UGT3A1: variants seen among roughly 807,000 people sequenced by gnomAD.
The protein encoded by UGT3A1 is UDP glycosyltransferase family 3 member A1, also known as UDP-glycosyltransferase 3A1.
UGT3A1 carries 40 observed loss-of-function variants against 37.6 expected under a neutral mutation model. The ratio of observed to expected loss-of-function variants is 1.06; its 90% confidence interval spans 0.83 to 1.38. UGT3A1 has a LOEUF of 1.38. Among genes scored for constraint, UGT3A1 ranks in the 40% most tolerant of loss-of-function variants. The probability of loss-of-function intolerance (pLI) is 0.00; values close to 1 mark genes in which losing one functional copy is unlikely to be tolerated. For missense variants in UGT3A1, 642 were observed against 634.2 expected (o/e 1.01, Z -0.13); for synonymous variants, 256 against 232.3 (o/e 1.10, Z -0.93).
intron 2 of UGT3A1, among the ~76,000 whole-genome samples, chr5:35,969,438 A>T (rs1052646917): frequency 3.9e-5 from 6 of 152,186 alleles, no homozygotes; most frequent in African/African-American, 1.4e-4. Flanking sequence ...ACTCTCTCAG[A>T]AAGAAACTTA....
rs1000274923 is a variant in UGT3A1, at chr5:35,953,758, C to T, written c.*444G>A. The T allele has an allele frequency of 6.2e-6, 1 of 162,356 alleles. No individual in the cohort carries two copies. The highest frequency in any genetic ancestry group is 2.4e-5 in the African/African-American group (1 of 41,580). 10.1% of individuals were successfully genotyped at this position (162,356 alleles called of 1,614,324 possible). A position where few individuals can be genotyped will look rare whatever the true frequency, so the allele number is the denominator to read the frequency against. On this transcript the variant is annotated 3_prime_UTR_variant, in exon 7 of 7. Transcript: ENST00000274278. ...AATGCAGGAGAGCAGACCAGGTTTC[C>T]TGAGCTTTGAGGAGAGCTTATAGGA...
intron 2 of UGT3A1, among the ~76,000 whole-genome samples, chr5:35,984,435 C>T (rs1393236959): frequency 2.7e-5 from 4 of 149,850 alleles, no homozygotes; most frequent in African/African-American, 9.8e-5. Context: ...AGCTTGTTTC[C>T]TTTTTGTGAA....
At chr5:35,954,573 CT>C in intron 6 of UGT3A1, 95 bp from the exon 7 acceptor site, 2 of 1,451,742 alleles carry the variant, frequency 1.4e-6, no homozygotes, top group African/African-American at 2.8e-5. Context: ...CATACAAACA[CT>C]TTTCTAACAC....
rs762733457 is a variant in UGT3A1 at position 35,954,270 on chromosome 5, G to A, written c.1504C>T (p.Leu502Phe). ...LLGLTLGTMW[L>F]CGKLLGVVAR... Reference sequence around the variant, plus strand: ...ACCACACCCAGCAGCTTCCCACAAAGCCACATAGTGCCCAGAGTGAGCCCC... The same window carrying A: ...ACCACACCCAGCAGCTTCCCACAAAACCACATAGTGCCCAGAGTGAGCCCC... Residue 502 changes from leucine to phenylalanine, a missense_variant, in exon 7 of 7, where the codon CTT (leucine) becomes TTT (phenylalanine). Transcript: ENST00000274278. The A allele has an allele frequency of 2.5e-6, 4 of 1,614,166 alleles. No individual in the cohort carries two copies. Among genetic ancestry groups the A allele is most frequent in the East Asian group, 4.5e-5 (2 of 44,888 alleles).
upstream of UGT3A1, among the ~76,000 whole-genome samples, chr5:35,992,207 AG>A (rs1184533275): frequency 6.6e-6 from 1 of 152,218 alleles, no homozygotes; most frequent in Non-Finnish European, 1.5e-5. Context: ...TTCAGTCTAC[AG>A]GTATTACATT....
At chr5:35,981,021 G>T (rs975009808) in intron 2 of UGT3A1, among the ~76,000 whole-genome samples, 2 of 152,162 alleles carry the variant, frequency 1.3e-5, no homozygotes, top group African/African-American at 4.8e-5. Context: ...TTTCTGGTCA[G>T]GAGAAGAAAA....
intron 1 of UGT3A1, among the ~76,000 whole-genome samples, chr5:35,989,886 CATCCTGGCTAACACGGTTAA>C (rs1740868720): frequency 6.6e-6 from 1 of 152,044 alleles, no homozygotes; most frequent in African/African-American, 2.4e-5. Flanking sequence ...AGATGGAGAC[CATCCTGGCTAACACGGTTAA>C]ACCCCGTCTC....
At chr5:35,964,702 T>C (rs911817921) in intron 4 of UGT3A1, among the ~76,000 whole-genome samples, 1 of 152,152 alleles carries the variant, frequency 6.6e-6, no homozygotes, top group Admixed American at 6.5e-5. Flanking sequence ...CTAAATATAA[T>C]AACTTCTGTA....
Position 35,954,084 on chromosome 5 carries a change from T to C in UGT3A1, c.*118A>G. 2 of 1,112,602 alleles carry C rather than the reference T, an allele frequency of 1.8e-6. No homozygotes were observed. Among genetic ancestry groups the C allele is most frequent in the Non-Finnish European group, 2.6e-6 (2 of 774,874 alleles). The allele number at this position is 1,112,602 out of a possible 1,614,324, so 68.9% of individuals were successfully genotyped here. A position where few individuals can be genotyped will look rare whatever the true frequency, so the allele number is the denominator to read the frequency against. ...GAGGCAGAGAATAGAAAGAAGCAAG[T>C]TGCAGGATCAGTGGCAGGTGGAGCT... On this transcript the variant is annotated 3_prime_UTR_variant, in exon 7 of 7. Transcript: ENST00000274278.
chr5:35,995,029 G>A (rs545327603), upstream of UGT3A1, among the ~76,000 whole-genome samples: 11 of 152,346 alleles, frequency 7.2e-5, no homozygotes, highest in Admixed American at 5.9e-4. Context: ...CCAGAATGGA[G>A]GAGCTACTTT....
intron 2 of UGT3A1, among the ~76,000 whole-genome samples, chr5:35,974,284 A>T (rs1740168933): frequency 6.6e-6 from 1 of 152,148 alleles, no homozygotes; most frequent in African/African-American, 2.4e-5. Flanking sequence ...AATTCCCCAA[A>T]CTGATTGTGA....
chr5:35,954,329 T>G lies in UGT3A1; in HGVS notation c.1445A>C (p.Glu482Ala). The change falls in exon 7 of 7, where the codon GAG becomes GCG. Residue 482 changes from glutamate (E) to alanine (A), a missense_variant. Transcript: ENST00000274278. ...KPYAFQQPWHEQYLIDVFVFL... is the reference protein window; with the variant it reads ...KPYAFQQPWHAQYLIDVFVFL... Reference sequence around the variant, plus strand: ...CACAAAGACATCAATGAGGTACTGCTCATGCCAAGGCTGCTGGAAGGCATA... The same window carrying G: ...CACAAAGACATCAATGAGGTACTGCGCATGCCAAGGCTGCTGGAAGGCATA... The G allele has an allele frequency of 6.2e-7, 1 of 1,614,160 alleles. No homozygotes were observed.
intron 2 of UGT3A1, among the ~76,000 whole-genome samples, chr5:35,996,624 G>A (rs1170432964): frequency 1.3e-5 from 2 of 152,116 alleles, no homozygotes; most frequent in African/African-American, 4.8e-5. Flanking sequence ...CATCCATAAT[G>A]CCCATATCTC....
chr5:35,970,062 A>C (rs967641028), intron 2 of UGT3A1, among the ~76,000 whole-genome samples: 1 of 152,148 alleles, frequency 6.6e-6, no homozygotes, highest in Non-Finnish European at 1.5e-5. Context: ...GCAAAGAGAG[A>C]GAGAGCTTGT....
At chr5:35,975,596 T>C (rs543751162) in intron 2 of UGT3A1, among the ~76,000 whole-genome samples, 6 of 152,304 alleles carry the variant, frequency 3.9e-5, no homozygotes, top group South Asian at 2.1e-4. Context: ...TGCATAATTA[T>C]GGAATTTGTC....
At chr5:35,968,221 T>A in intron 2 of UGT3A1, 88 bp from the exon 3 acceptor site, 1 of 770,456 alleles carries the variant, frequency 1.3e-6, no homozygotes, top group Non-Finnish European at 2.0e-6. Flanking sequence ...TTTATTCTAT[T>A]AATTTTACAT....
Position 35,968,036 on chromosome 5 carries a change from T to G in UGT3A1, c.294A>C (p.Glu98Asp), listed in dbSNP as rs1414862648. The part of the protein sequence containing the change: ...RIKKHFDSYI[E>D]TALDGRKESE... Reference sequence around the variant, plus strand: ...GAAGTTACCTGCCATCCAATGCTGTTTCTATGTAGCTATCAAAATGCTTCT... The same window carrying G: ...GAAGTTACCTGCCATCCAATGCTGTGTCTATGTAGCTATCAAAATGCTTCT... The change falls in exon 3 of 7, where the codon GAA becomes GAC. Residue 98 changes from glutamate to aspartate, a missense_variant. By Grantham distance (45) the Glu-to-Asp change is conservative. Transcript: ENST00000274278. 6.2e-7 allele frequency: 1 copy of G among 1,612,170 alleles called. No homozygotes were observed. Among genetic ancestry groups the G allele is most frequent in the Non-Finnish European group, 8.5e-7 (1 of 1,179,518 alleles).
intron 5 of UGT3A1, among the ~76,000 whole-genome samples, chr5:35,956,208 G>A (rs1432146418): frequency 6.6e-6 from 1 of 152,198 alleles, no homozygotes; most frequent in Non-Finnish European, 1.5e-5. Context: ...TTGCTTCATA[G>A]TACCTACACT....
At chr5:35,983,954 T>G (rs1032731655) in intron 2 of UGT3A1, among the ~76,000 whole-genome samples, 1 of 152,116 alleles carries the variant, frequency 6.6e-6, no homozygotes, top group Admixed American at 6.5e-5. Context: ...TCATATCAAA[T>G]AGCAAAAAAC....
Sources: gnomAD v4.1 joint callset for allele counts (sites outside exome capture counted in the v4.1 genomes callset) on GRCh38, gnomAD v4.1.1 for gene constraint, MANE v1.5 for transcripts, NCBI Gene and HGNC (gene_info 2026-07-23, HGNC 2026-07-21) for gene names.